The following TMEM63B variants were observed in gnomAD, a reference collection of about 807,000 sequenced individuals.
The protein encoded by TMEM63B is mechanosensitive cation channel TMEM63B.
TMEM63B carries 23 observed loss-of-function variants against 102.6 expected under a neutral mutation model. That is an observed-to-expected ratio of 0.22 (90% CI 0.16 to 0.32). The LOEUF is 0.32. Among genes scored for constraint, TMEM63B ranks in the 10% least tolerant of loss-of-function variants. TMEM63B has a pLI of 1.00. For synonymous variants in TMEM63B, 444 were observed against 437.0 expected (o/e 1.02, Z -0.20); for missense variants, 628 against 1,095.9 (o/e 0.57, Z 6.03).
chr6:44,148,816 C>T lies in TMEM63B; in HGVS notation c.1284C>T (p.Phe428=). Residue 428 remains phenylalanine, a synonymous_variant, in exon 15 of 24, where the codon TTC becomes TTT. Coordinates refer to ENST00000323267, the MANE Select transcript of TMEM63B (RefSeq NM_018426.3). The surrounding 1 kb of genome is among the most constrained non-coding windows in gnomAD (Gnocchi z 5.1). ...IYWEHLSIRG[F]IWWLRCLVIN... ...GGGAGCACCTCTCCATCCGAGGCTTCATCTGGTGGCTGCGCTGCCTGGTCA... is the reference window on the plus strand; with the variant it reads ...GGGAGCACCTCTCCATCCGAGGCTTTATCTGGTGGCTGCGCTGCCTGGTCA... The T allele has an allele frequency of 6.2e-7, 1 of 1,614,212 alleles. No individual in the cohort carries two copies. The highest frequency in any genetic ancestry group is 8.5e-7 in the Non-Finnish European group (1 of 1,180,038).
chr6:44,132,598 T>C lies in TMEM63B; in HGVS notation c.-24-1963T>C, dbSNP rs547848071. Among the ~76,000 whole-genome samples the C allele has an allele frequency of 3.3e-5, 5 of 152,280 alleles. No homozygotes were observed. In the East Asian group the frequency reaches 9.6e-4, roughly 29 times the overall value. On this transcript the variant is annotated intron_variant, in intron 1 of 23. Coordinates refer to ENST00000323267, the MANE Select transcript of TMEM63B (RefSeq NM_018426.3). ...ACCTATACCTACCTTTAACCTCCCATAGTGCCCCAGGGTTCTGTGCATCTT... is the reference window on the plus strand; with the variant it reads ...ACCTATACCTACCTTTAACCTCCCACAGTGCCCCAGGGTTCTGTGCATCTT...
intron 8 of TMEM63B, 85 bp downstream of exon 8, chr6:44,139,844 G>T: frequency 2.6e-6 from 4 of 1,549,092 alleles, no homozygotes; most frequent in South Asian, 1.1e-5. Context: ...AGGCAGCTGC[G>T]TTGATGGGAG....
chr6:44,148,534 GT>G lies in TMEM63B; in HGVS notation c.1144del (p.Cys382ValfsTer153). Reference sequence around the variant, plus strand: ...CTAGCATCCTGAAGGACTTCAACGTGTGTAAATGCCAGGGCTGCACCTGCCG... The same window carrying G: ...CTAGCATCCTGAAGGACTTCAACGTGGTAAATGCCAGGGCTGCACCTGCCG... ...TAIILKDFNV[C>X]KCQGCTCRGE... On this transcript the variant is annotated frameshift_variant, in exon 14 of 24. Coordinates refer to ENST00000323267, the MANE Select transcript of TMEM63B (RefSeq NM_018426.3). LOFTEE classifies it high-confidence loss of function. This position sits in a 1 kb window ranked among gnomAD's most constrained non-coding sequence, Gnocchi z 5.1. 6.2e-7 allele frequency: 1 copy of G among 1,614,204 alleles called. No individual in the cohort carries two copies. The highest frequency in any genetic ancestry group is 8.5e-7 in the Non-Finnish European group (1 of 1,180,032).
At position 44,148,627 on chromosome 6, in the gene TMEM63B, C is replaced by T. The variant is rs1582815056; in HGVS notation, c.1236C>T (p.Ala412=). 2 of 1,614,188 alleles carry T rather than the reference C, an allele frequency of 1.2e-6. No homozygotes were observed. Among genetic ancestry groups the T allele is most frequent in the Non-Finnish European group, 1.7e-6 (2 of 1,180,016 alleles). ...LHISNWTVSY[A]PDPQNIYWEH... is the part of the protein sequence containing the mutation. ...TCTCCAACTGGACCGTGTCCTATGC[C>T]CCTGACCCTCAGAACATCTACTGGT... Residue 412 remains alanine, a synonymous_variant, in exon 14 of 24, where the codon GCC becomes GCT. Coordinates refer to ENST00000323267, the MANE Select transcript of TMEM63B (RefSeq NM_018426.3). This position sits in a 1 kb window ranked among gnomAD's most constrained non-coding sequence, Gnocchi z 5.1.
chr6:44,149,825 G>C (rs1234584423), intron 15 of TMEM63B, 34 bp from the exon 16 acceptor site: 1 of 1,567,232 alleles, frequency 6.4e-7, no homozygotes. Flanking sequence ...CCCCTAGACT[G>C]CCCTGCCTGA....
chr6:44,154,813 C>T lies in TMEM63B; in HGVS notation c.2429C>T (p.Pro810Leu). 1 of 1,610,564 alleles carries T rather than the reference C, an allele frequency of 6.2e-7. No homozygotes were observed. Among genetic ancestry groups the T allele is most frequent in the Non-Finnish European group, 8.5e-7 (1 of 1,179,132 alleles). Residue 810 changes from proline to leucine, a missense_variant, in exon 24 of 24, where the codon CCC (proline) becomes CTC (leucine). Around this residue, in one of 6 missense-constraint regions of TMEM63B, gnomAD observed 129 missense variants for 153.5 expected, o/e 0.84. Coordinates refer to ENST00000323267, the MANE Select transcript of TMEM63B (RefSeq NM_018426.3). Reference protein sequence around the residue: ...SSQDEELLMPPDALTDTDFQS... With the variant: ...SSQDEELLMPLDALTDTDFQS... ...CAAGATGAGGAGTTGCTGATGCCACCCGACGCCCTCACGGACACAGACTTC... is the reference window on the plus strand; with the variant it reads ...CAAGATGAGGAGTTGCTGATGCCACTCGACGCCCTCACGGACACAGACTTC...
At chr6:44,151,236 T>TTC (rs1766542550) in intron 18 of TMEM63B, among the ~76,000 whole-genome samples, 2 of 151,870 alleles carry the variant, frequency 1.3e-5, no homozygotes, top group South Asian at 4.2e-4. Flanking sequence ...AACTGTGGAG[T>TTC]TCTGTATGGG....
intron 10 of TMEM63B, among the ~76,000 whole-genome samples, chr6:44,142,936 A>G (rs1324642626): frequency 6.6e-6 from 1 of 152,248 alleles, no homozygotes; most frequent in East Asian, 1.9e-4. Context: ...GCTTGAGCCC[A>G]AGAGGCTAAT....
Position 44,150,845 on chromosome 6 carries a change from CT to C in TMEM63B, c.1673+217del, listed in dbSNP as rs1312159620. 6.6e-6 allele frequency among the ~76,000 whole-genome samples: 1 copy of C among 152,204 alleles called. No individual in the cohort carries two copies. Among genetic ancestry groups the C allele is most frequent in the Non-Finnish European group, 1.5e-5 (1 of 68,046 alleles). Reference sequence around the variant, plus strand: ...CCTGGGGTCTGTGTTGGTGTTCACTCTCTGGTAACCTGTTTGGATGCTAAGA... The same window carrying C: ...CCTGGGGTCTGTGTTGGTGTTCACTCCTGGTAACCTGTTTGGATGCTAAGA... On this transcript the variant is annotated intron_variant, in intron 18 of 23. Transcript: ENST00000323267. This position sits in a 1 kb window ranked among gnomAD's most constrained non-coding sequence, Gnocchi z 4.7.
rs1386737995 is a variant in TMEM63B at position 44,154,951 on chromosome 6, G to A, written c.*68G>A. The A allele has an allele frequency of 1.8e-5, 25 of 1,375,008 alleles. No homozygotes were observed. Among genetic ancestry groups the A allele is most frequent in the East Asian group, 2.6e-5 (1 of 38,450 alleles). The allele number at this position is 1,375,008 out of a possible 1,614,324, so 85.2% of individuals were successfully genotyped here. On this transcript the variant is annotated 3_prime_UTR_variant, in exon 24 of 24. Transcript: ENST00000323267. The stretch of plus-strand genomic sequence containing the variant: ...CCCCCACTCCCACGGACACTAAAAC[G>A]CTAATAATTTATTAGATCTAAAGCC...
At chr6:44,138,736 G>GTCCCCCGCC (rs567563400) in intron 6 of TMEM63B, 4 of 288,632 alleles carry the variant, frequency 1.4e-5, no homozygotes, top group South Asian at 1.4e-4. Context: ...CCCCCTGCCG[G>GTCCCCCGCC]CCCCCCCGCT....
chr6:44,135,351 G>T lies in TMEM63B; in HGVS notation c.263G>T (p.Arg88Leu). 2 of 1,612,944 alleles carry T rather than the reference G, an allele frequency of 1.2e-6. No homozygotes were observed. The highest frequency in any genetic ancestry group is 1.7e-6 in the Non-Finnish European group (2 of 1,179,438). Residue 88 changes from arginine to leucine, a missense_variant, in exon 4 of 24, where the codon CGA (arginine) becomes CTA (leucine). Around this residue, in one of 6 missense-constraint regions of TMEM63B, gnomAD observed 336 missense variants for 580.3 expected, o/e 0.58. Transcript: ENST00000323267. The part of the protein sequence containing the change: ...ADRLRRQERD[R>L]VEQEYVASAM... ...AGGCTTCGGCGGCAGGAGAGGGACC[G>T]AGTGGAACAGGAATAGTATGTGGGG...
In TMEM63B at chr6:44,138,277, T is replaced by A; in HGVS notation, c.370-203T>A. ...CAGATAAACCTGTTTAGTGTTGGTC[T>A]TTTTTCTTTGAGGGCTGAGACCTTC... On this transcript the variant is annotated intron_variant, in intron 5 of 23. Transcript: ENST00000323267. 8.2e-6 allele frequency: 5 copies of A among 606,610 alleles called. 1 individual carries two copies. In the South Asian group the frequency reaches 9.9e-5, roughly 12 times the overall value. The allele number at this position is 606,610 out of a possible 1,614,324, so 37.6% of individuals were successfully genotyped here.
intron 10 of TMEM63B, among the ~76,000 whole-genome samples, chr6:44,142,979 A>T (rs188093330): frequency 6.6e-6 from 1 of 152,352 alleles, no homozygotes; most frequent in Admixed American, 6.5e-5. Context: ...ACTGTACTCC[A>T]GCCTGGGTAA....
chr6:44,130,535 G>C (rs1396763029), intron 1 of TMEM63B, among the ~76,000 whole-genome samples: 1 of 144,854 alleles, frequency 6.9e-6, no homozygotes, highest in South Asian at 2.2e-4. Context: ...AACTCCCTGG[G>C]CTCAGGTGAT....
chr6:44,134,811 C>T, intron 2 of TMEM63B, 68 bp downstream of exon 2: 3 of 1,555,302 alleles, frequency 1.9e-6, no homozygotes, highest in Admixed American at 3.5e-5. Flanking sequence ...ACACTTCCAG[C>T]TCTAACCACT....
Position 44,152,751 on chromosome 6 carries a change from C to A in TMEM63B, c.1942+53C>A. 1 of 1,444,720 alleles carries A rather than the reference C, an allele frequency of 6.9e-7. No individual in the cohort carries two copies. Among genetic ancestry groups the A allele is most frequent in the Non-Finnish European group, 9.6e-7 (1 of 1,040,980 alleles). 89.5% of individuals were successfully genotyped at this position (1,444,720 alleles called of 1,614,324 possible). ...CCCTGCTCGGGGGGACCCAGGACTT[C>A]ACCCTCTCCACTCTAGGAATGCAGG... is the stretch of plus-strand genomic sequence containing the variant. On this transcript the variant is annotated intron_variant, in intron 20 of 23. Coordinates refer to ENST00000323267, the MANE Select transcript of TMEM63B (RefSeq NM_018426.3). The surrounding 1 kb of genome is among the most constrained non-coding windows in gnomAD (Gnocchi z 6.4).
chr6:44,148,021 G>T lies in TMEM63B; in HGVS notation c.988-231G>T, dbSNP rs183847319. Among the ~76,000 whole-genome samples, 158 of 152,326 alleles carry T rather than the reference G, an allele frequency of 1.0e-3. No individual in the cohort carries two copies. The highest frequency in any genetic ancestry group is 1.4e-3 in the Non-Finnish European group (94 of 68,038). On this transcript the variant is annotated intron_variant, in intron 12 of 23. Transcript: ENST00000323267. This position sits in a 1 kb window ranked among gnomAD's most constrained non-coding sequence, Gnocchi z 5.1. ...ACATGTATTCCCAGCCACTTGGGAG[G>T]CTGAGGTGGGAGGGTCACTTTAGCC...
At chr6:44,133,239 G>A (rs1328640107) in intron 1 of TMEM63B, among the ~76,000 whole-genome samples, 2 of 152,106 alleles carry the variant, frequency 1.3e-5, no homozygotes, top group African/African-American at 4.8e-5. Context: ...GGGACCAAGT[G>A]AAACACATAA....
Sources: gnomAD v4.1 joint callset for allele counts (sites outside exome capture counted in the v4.1 genomes callset) on GRCh38, gnomAD v4.1.1 for gene constraint, gnomAD v4.1.1 regional missense constraint, Gnocchi (gnomAD v3.1) non-coding constraint, MANE v1.5 for transcripts, NCBI Gene and HGNC (gene_info 2026-07-23, HGNC 2026-07-21) for gene names.